Variants in UBE3C observed in about 807,000 individuals in gnomAD.
The protein encoded by UBE3C is ubiquitin protein ligase E3C.
A neutral mutation model predicts 129.4 loss-of-function variants in UBE3C; 42 were observed. The ratio of observed to expected loss-of-function variants is 0.32; its 90% CI spans 0.25 to 0.42. The LOEUF (loss-of-function observed/expected upper bound fraction) is 0.42, where lower values mean the gene tolerates loss of function less well. UBE3C is among the 10% of genes least tolerant of loss of function. The pLI, the probability that UBE3C is intolerant of heterozygous loss-of-function variation, is 1.00. For synonymous variants in UBE3C, 510 were observed against 492.4 expected, an observed-to-expected ratio of 1.04 and a Z score of -0.47; for missense variants, 1,049 against 1,319.1, an observed-to-expected ratio of 0.80 and a Z score of 3.17.
intron 10 of UBE3C, among the ~76,000 whole-genome samples, chr7:157,195,420 T>C (rs954783521): frequency 3.9e-5 from 6 of 152,174 alleles, no homozygotes; most frequent in African/African-American, 1.4e-4. Flanking sequence ...GTAAAGATGA[T>C]TGAGACAGTC....
intron 1 of UBE3C, among the ~76,000 whole-genome samples, chr7:157,159,607 C>G (rs1338138622): frequency 1.3e-5 from 2 of 152,208 alleles, no homozygotes; most frequent in Admixed American, 1.3e-4. Context: ...ATGGCTCATG[C>G]CTGTAATACC....
chr7:157,245,578 C>A lies in UBE3C; in HGVS notation c.2482-2790C>A, dbSNP rs376141565. On this transcript the variant is annotated intron_variant, in intron 18 of 22. Coordinates refer to ENST00000348165, the MANE Select transcript of UBE3C (RefSeq NM_014671.3). The stretch of plus-strand genomic sequence containing the variant: ...TGTGCCTGTTGCCATTTTATTCATT[C>A]TCTCATTAAGAAACCCTTTTTTGCT... Among the ~76,000 whole-genome samples, 3 of 152,288 alleles carry A rather than the reference C, an allele frequency of 2.0e-5. 1 individual carries two copies. Among genetic ancestry groups the A allele is most frequent in the Admixed American group, 1.3e-4 (2 of 15,296 alleles).
intron 9 of UBE3C, among the ~76,000 whole-genome samples, chr7:157,185,232 CGAT>C (rs1302384260): frequency 3.3e-5 from 5 of 152,212 alleles, no homozygotes; most frequent in Non-Finnish European, 7.3e-5. Flanking sequence ...TGTGCAAACA[CGAT>C]GAAAGCAGAA....
rs756301481 is a variant in UBE3C, at chr7:157,231,177, A to G, written c.2331A>G (p.Leu777=). Residue 777 remains leucine (L), a synonymous_variant, in exon 18 of 23, where the codon TTA becomes TTG. Transcript: ENST00000348165. ...IDGGGIFREF[L]NELLKSGFNP... is the part of the protein sequence containing the mutation. Reference sequence around the variant, plus strand: ...GTGGTGGTATTTTCAGAGAGTTTTTAAATGAACTACTGAAGTCAGGATTTA... The same window carrying G: ...GTGGTGGTATTTTCAGAGAGTTTTTGAATGAACTACTGAAGTCAGGATTTA... 1.9e-6 allele frequency: 3 copies of G among 1,613,970 alleles called. No individual in the cohort carries two copies. The African/African-American group carries it at 4.0e-5, about 22-fold the overall frequency.
intron 1 of UBE3C, among the ~76,000 whole-genome samples, chr7:157,145,339 GATACTCT>G (rs1341403403): frequency 1.3e-5 from 2 of 152,010 alleles, no homozygotes; most frequent in African/African-American, 4.8e-5. Flanking sequence ...TCAACATGGT[GATACTCT>G]ATCTCTACTA....
chr7:157,212,021 CAT>C (rs1809609618), intron 13 of UBE3C, among the ~76,000 whole-genome samples: 1 of 152,210 alleles, frequency 6.6e-6, no homozygotes, highest in Non-Finnish European at 1.5e-5. Context: ...CTTTTTCTGA[CAT>C]GTTACTTTTA....
intron 1 of UBE3C, among the ~76,000 whole-genome samples, chr7:157,156,248 C>G (rs1343812599): frequency 6.7e-6 from 1 of 148,890 alleles, no homozygotes; most frequent in East Asian, 2.0e-4. Flanking sequence ...GGAATGTAAA[C>G]AGTCAAATAA....
At chr7:157,173,331 C>A (rs1260952283) in intron 4 of UBE3C, among the ~76,000 whole-genome samples, 1 of 152,164 alleles carries the variant, frequency 6.6e-6, no homozygotes, top group Admixed American at 6.6e-5. Flanking sequence ...AGCTATGATC[C>A]TGCGACTGCA....
At chr7:157,147,519 T>TC (rs754410304) in intron 1 of UBE3C, among the ~76,000 whole-genome samples, 1 of 152,224 alleles carries the variant, frequency 6.6e-6, no homozygotes. Flanking sequence ...GCCTTTTTTT[T>TC]CTTTTTTCTT....
At position 157,207,721 on chromosome 7, in the gene UBE3C, C is replaced by T. The variant is rs1328205521; in HGVS notation, c.1595C>T (p.Ser532Leu). ...TTTTTAGTTGTAGGTCAAAGACAAT[C>T]ATCAATGATGCCTTTTACTTTAGAA... ...DPIEVVGQRQ[S>L]SMMPFTLEEL... The change falls in exon 13 of 23, where the codon TCA becomes TTA. Residue 532 changes from serine (S) to leucine (L), a missense_variant. Ser to Leu is a moderately radical substitution (Grantham distance 145, BLOSUM62 -2). Coordinates refer to ENST00000348165, the MANE Select transcript of UBE3C (RefSeq NM_014671.3). 6 of 1,613,004 alleles carry T rather than the reference C, an allele frequency of 3.7e-6. No individual in the cohort carries two copies. In the Admixed American group the frequency reaches 1.0e-4, roughly 27 times the overall value.
At chr7:157,178,372 A>G (rs886439926) in intron 5 of UBE3C, among the ~76,000 whole-genome samples, 1 of 152,186 alleles carries the variant, frequency 6.6e-6, no homozygotes, top group African/African-American at 2.4e-5. Flanking sequence ...TTCTTGGTAC[A>G]ATTCATGGAT....
chr7:157,170,586 G>A, intron 4 of UBE3C, 136 bp downstream of exon 4: 3 of 920,670 alleles, frequency 3.3e-6, no homozygotes, highest in Admixed American at 4.1e-5. Context: ...TCAGCTAGCT[G>A]TGAGAGGTTA....
chr7:157,143,717 AAGCGGGG>A (rs1807523140), intron 1 of UBE3C, among the ~76,000 whole-genome samples: 1 of 152,112 alleles, frequency 6.6e-6, no homozygotes, highest in African/African-American at 2.4e-5. Context: ...ATTCTTCAAG[AAGCGGGG>A]AGTGGTCGTT....
intron 13 of UBE3C, among the ~76,000 whole-genome samples, chr7:157,216,352 GTTTT>G (rs11373650): frequency 6.9e-6 from 1 of 145,068 alleles, no homozygotes; most frequent in South Asian, 2.2e-4. Flanking sequence ...AGATTCGTGG[GTTTT>G]TTTTTTTTTA....
intron 19 of UBE3C, among the ~76,000 whole-genome samples, chr7:157,250,958 A>G (rs1395265425): frequency 6.6e-6 from 1 of 152,234 alleles, no homozygotes; most frequent in Admixed American, 6.5e-5. Flanking sequence ...CCATTAAAGC[A>G]CTGCCGATAA....
chr7:157,214,982 T>G (rs772663573), intron 13 of UBE3C, among the ~76,000 whole-genome samples: 19 of 152,224 alleles, frequency 1.2e-4, no homozygotes, highest in Non-Finnish European at 2.6e-4. Context: ...GGTCAAGGAA[T>G]AGCTGACTCC....
At chr7:157,250,457 G>T (rs954145446) in intron 19 of UBE3C, among the ~76,000 whole-genome samples, 1 of 152,230 alleles carries the variant, frequency 6.6e-6, no homozygotes, top group East Asian at 1.9e-4. Context: ...AAAGTGCTGG[G>T]ATTACAGGCA....
intron 2 of UBE3C, chr7:157,164,437 G>T: frequency 2.2e-6 from 1 of 456,696 alleles, no homozygotes; most frequent in Non-Finnish European, 4.4e-6. Flanking sequence ...TTACAGGCGT[G>T]AACTGCCTCG....
intron 1 of UBE3C, chr7:157,139,985 C>G (rs933427588): frequency 1.1e-5 from 11 of 985,294 alleles, no homozygotes; most frequent in Non-Finnish European, 1.3e-5. Context: ...TCCGGACTTA[C>G]ATCTGTTGTG....
Sources: allele counts gnomAD v4.1 joint callset (sites outside exome capture counted in the v4.1 genomes callset), GRCh38; gene constraint gnomAD v4.1.1; transcripts MANE v1.5; gene names NCBI Gene and HGNC (gene_info 2026-07-23, HGNC 2026-07-21).